DCAF1: variants seen among roughly 807,000 people sequenced by gnomAD.
The protein encoded by DCAF1 is DDB1- and CUL4-associated factor 1.
In DCAF1, 15 loss-of-function variants were observed where a neutral mutation model predicts 128.0. The ratio of observed to expected loss-of-function variants is 0.12; its 90% CI spans 0.08 to 0.18. The LOEUF is 0.18. DCAF1 is among the 10% of genes least tolerant of loss of function. The pLI is 1.00. For missense variants in DCAF1, 988 were observed against 1,649.5 expected, an observed-to-expected ratio of 0.60 and a Z score of 6.95; for synonymous variants, 610 against 603.0, an observed-to-expected ratio of 1.01 and a Z score of -0.17.
intron 2 of DCAF1, among the ~76,000 whole-genome samples, chr3:51,492,523 A>T (rs77961791): frequency 6.6e-6 from 1 of 151,900 alleles, no homozygotes; most frequent in East Asian, 1.9e-4. Flanking sequence ...TCTTAAAAAC[A>T]AAAAAAAGGC....
At chr3:51,470,850 A>C in intron 4 of DCAF1, 79 bp downstream of exon 4, 3 of 1,082,182 alleles carry the variant, frequency 2.8e-6, no homozygotes, top group African/African-American at 1.6e-5. Flanking sequence ...TTTTTAGAAA[A>C]GAAAAAAAAG....
In DCAF1 at chr3:51,441,601, T is replaced by G. The variant is rs782212624; in HGVS notation, c.810A>C (p.Ala270=). Residue 270 remains alanine, a synonymous_variant, in exon 8 of 25, where the codon GCA becomes GCC. Coordinates refer to ENST00000684031, the MANE Select transcript of DCAF1 (RefSeq NM_001387579.1). ...EDGGLKKNKS[A]KQGDRENFRK... Reference sequence around the variant, plus strand: ...TAAAGTTCTCTCTGTCACCCTGTTTTGCTGACTTGTTTTTCTTTAATCCTC... The same window carrying G: ...TAAAGTTCTCTCTGTCACCCTGTTTGGCTGACTTGTTTTTCTTTAATCCTC... 1 of 1,614,026 alleles carries G rather than the reference T, an allele frequency of 6.2e-7. No homozygotes were observed. Among genetic ancestry groups the G allele is most frequent in the East Asian group, 2.2e-5 (1 of 44,886 alleles).
At chr3:51,495,892 G>A (rs1553660581) in intron 2 of DCAF1, among the ~76,000 whole-genome samples, 1 of 152,034 alleles carries the variant, frequency 6.6e-6, no homozygotes, top group African/African-American at 2.4e-5. Flanking sequence ...ACCTGGGGAG[G>A]CTGAAGCAAG....
intron 6 of DCAF1, among the ~76,000 whole-genome samples, chr3:51,453,404 G>A (rs977271446): frequency 6.6e-6 from 1 of 151,698 alleles, no homozygotes; most frequent in Non-Finnish European, 1.5e-5. Flanking sequence ...GAGGCGGGAG[G>A]ACTGCTTGAG....
chr3:51,470,453 G>A (rs1010281520), intron 4 of DCAF1, among the ~76,000 whole-genome samples: 5 of 152,046 alleles, frequency 3.3e-5, no homozygotes, highest in African/African-American at 1.2e-4. Context: ...TGTAGTCCCA[G>A]CTACTCAAGA....
intron 1 of DCAF1, among the ~76,000 whole-genome samples, chr3:51,498,392 AG>A (rs1359424678): frequency 6.6e-6 from 1 of 150,664 alleles, no homozygotes; most frequent in Admixed American, 6.6e-5. Context: ...AAAAAAAAAA[AG>A]AGTTATCACA....
chr3:51,505,059 C>G, the DCAF1 span, among the ~76,000 whole-genome samples: 1 of 152,012 alleles, frequency 6.6e-6, no homozygotes, highest in African/African-American at 2.4e-5. Context: ...GTCGAGAGTT[C>G]GAGACCAGCC....
intron 13 of DCAF1, among the ~76,000 whole-genome samples, chr3:51,423,510 A>C (rs191754324): frequency 6.6e-6 from 1 of 151,640 alleles, no homozygotes; most frequent in South Asian, 2.1e-4. Flanking sequence ...TCCACAAAAA[A>C]AAAAAAAGAA....
At chr3:51,436,546 C>T (rs572745491) in intron 9 of DCAF1, 9 of 394,834 alleles carry the variant, frequency 2.3e-5, no homozygotes, top group African/African-American at 1.2e-4. Context: ...AGACTGTATA[C>T]CAATAATTTT....
At chr3:51,452,736 G>A (rs914429271) in intron 6 of DCAF1, among the ~76,000 whole-genome samples, 1 of 152,182 alleles carries the variant, frequency 6.6e-6, no homozygotes, top group Non-Finnish European at 1.5e-5. Context: ...TATCGGCTGG[G>A]TGCAGTGGCT....
intron 6 of DCAF1, among the ~76,000 whole-genome samples, chr3:51,459,462 G>A (rs1197503645): frequency 5.9e-5 from 9 of 152,086 alleles, no homozygotes; most frequent in Admixed American, 1.3e-4. Context: ...ATTCACAGCC[G>A]AATTCTACCA....
chr3:51,431,254 A>T (rs781960746), intron 10 of DCAF1, among the ~76,000 whole-genome samples: 12 of 152,046 alleles, frequency 7.9e-5, no homozygotes, highest in African/African-American at 1.2e-4. Flanking sequence ...ACGGTGGCTT[A>T]TGACTGTAAT....
chr3:51,434,164 G>A, intron 9 of DCAF1, among the ~76,000 whole-genome samples: 1 of 152,156 alleles, frequency 6.6e-6, no homozygotes, highest in East Asian at 1.9e-4. Flanking sequence ...TACTTTGAGA[G>A]GCCAAGGTGA....
chr3:51,448,010 G>T (rs1577179722), intron 6 of DCAF1, among the ~76,000 whole-genome samples: 1 of 151,926 alleles, frequency 6.6e-6, no homozygotes, highest in East Asian at 1.9e-4. Context: ...ACTATCTTCT[G>T]ACCTCTACTG....
rs1553631409 is a variant in DCAF1 at position 51,418,771 on chromosome 3, T to C, written c.3342A>G (p.Thr1114=). 4.3e-6 allele frequency: 7 copies of C among 1,614,028 alleles called. No homozygotes were observed. The East Asian group carries it at 8.9e-5, about 21-fold the overall frequency. ...ACACATTATAGAGCTTCAGCTGCCC[T>C]GTGCAGGTGCCAAGCATCAGGAACC... is the stretch of plus-strand genomic sequence containing the variant. ...RERFLMLGTC[T]GQLKLYNVFS... is the part of the protein sequence containing the mutation. Residue 1114 remains threonine (T), a synonymous_variant, in exon 16 of 25, where the codon ACA becomes ACG. Transcript: ENST00000684031.
chr3:51,481,419 C>T (rs1706182504), intron 3 of DCAF1, among the ~76,000 whole-genome samples: 1 of 152,184 alleles, frequency 6.6e-6, no homozygotes, highest in Admixed American at 6.6e-5. Context: ...AGGCCAGGCG[C>T]AATGGCTCAC....
intron 1 of DCAF1, among the ~76,000 whole-genome samples, chr3:51,498,375 AG>A (rs368630149): frequency 1.4e-5 from 2 of 147,116 alleles, no homozygotes; most frequent in Non-Finnish European, 3.0e-5. Flanking sequence ...AAAAGAAAAA[AG>A]AAAAAAAAAA....
chr3:51,451,798 A>G (rs146187839), intron 6 of DCAF1, among the ~76,000 whole-genome samples: 2 of 152,170 alleles, frequency 1.3e-5, no homozygotes, highest in South Asian at 2.1e-4. Flanking sequence ...CTTTTTTTCA[A>G]TATCTCTGAA....
chr3:51,491,247 C>G (rs1388711663), intron 2 of DCAF1, among the ~76,000 whole-genome samples: 1 of 150,690 alleles, frequency 6.6e-6, no homozygotes, highest in East Asian at 2.0e-4. Flanking sequence ...ACTGGGACAG[C>G]TGAGGCAGGA....
Sources: gnomAD v4.1 joint callset for allele counts (sites outside exome capture counted in the v4.1 genomes callset) on GRCh38, gnomAD v4.1.1 for gene constraint, MANE v1.5 for transcripts, NCBI Gene and HGNC (gene_info 2026-07-23, HGNC 2026-07-21) for gene names.